Variants in CCDC178 observed in about 807,000 individuals in gnomAD.
CCDC178 encodes the protein coiled-coil domain containing 178.
A neutral mutation model predicts 117.4 loss-of-function variants in CCDC178; 126 were observed. That is an observed-to-expected ratio of 1.07 (90% confidence interval 0.93 to 1.24). The LOEUF is 1.24. Ranked by LOEUF, CCDC178 falls within the 50% of genes most tolerant of loss-of-function variation. CCDC178 has a pLI of 0.00. For missense variants in CCDC178, 1,030 were observed against 986.9 expected (o/e 1.04, Z -0.59); for synonymous variants, 283 against 313.4 (o/e 0.90, Z 1.02).
At chr18:33,118,070 T>C (rs1308347979) in intron 20 of CCDC178, among the ~76,000 whole-genome samples, 1 of 152,094 alleles carries the variant, frequency 6.6e-6, no homozygotes, top group Non-Finnish European at 1.5e-5. Flanking sequence ...ACAGCATTTT[T>C]TTCTGACTAG....
chr18:33,314,190 G>A (rs1271631872), intron 11 of CCDC178, among the ~76,000 whole-genome samples: 2 of 107,412 alleles, frequency 1.9e-5, no homozygotes, highest in Non-Finnish European at 3.5e-5. Flanking sequence ...GACAGAGCGA[G>A]ACTCCGTCTC....
intron 14 of CCDC178, among the ~76,000 whole-genome samples, chr18:33,253,817 C>T (rs567676294): frequency 3.3e-5 from 5 of 151,750 alleles, no homozygotes; most frequent in African/African-American, 9.7e-5. Context: ...CCTGATTGCT[C>T]CTTATGTAAT....
chr18:33,397,690 T>C (rs570458443), intron 3 of CCDC178, among the ~76,000 whole-genome samples: 63 of 152,290 alleles, frequency 4.1e-4, no homozygotes, highest in African/African-American at 1.4e-3. Context: ...ACTGCATCTC[T>C]AGAAAATCCT....
At chr18:33,136,401 G>A (rs962702450) in intron 20 of CCDC178, among the ~76,000 whole-genome samples, 3 of 152,130 alleles carry the variant, frequency 2.0e-5, no homozygotes, top group Non-Finnish European at 4.4e-5. Flanking sequence ...CTATGAGGTA[G>A]CAGAAGCACT....
At chr18:33,168,454 T>C (rs1362144556) in intron 20 of CCDC178, among the ~76,000 whole-genome samples, 4 of 152,300 alleles carry the variant, frequency 2.6e-5, no homozygotes, top group East Asian at 3.9e-4. Flanking sequence ...TGTCTGTCTT[T>C]GTAGCAGTAG....
At chr18:33,330,371 C>T (rs1422593319) in intron 10 of CCDC178, among the ~76,000 whole-genome samples, 1 of 152,046 alleles carries the variant, frequency 6.6e-6, no homozygotes, top group Non-Finnish European at 1.5e-5. Flanking sequence ...GCATTGTACA[C>T]CCACAGTGGA....
chr18:32,980,302 G>A (rs1317599519), intron 21 of CCDC178, among the ~76,000 whole-genome samples: 2 of 151,964 alleles, frequency 1.3e-5, no homozygotes, highest in Admixed American at 6.6e-5. Flanking sequence ...TAAAAAGCCC[G>A]GCCGGGCGCG....
intron 21 of CCDC178, among the ~76,000 whole-genome samples, chr18:33,081,596 T>C (rs1462018640): frequency 6.6e-6 from 1 of 152,218 alleles, no homozygotes; most frequent in African/African-American, 2.4e-5. Context: ...ATATACATCA[T>C]GCAGACAGTA....
chr18:33,310,859 T>C (rs901969109), intron 11 of CCDC178, among the ~76,000 whole-genome samples: 9 of 152,182 alleles, frequency 5.9e-5, no homozygotes, highest in Non-Finnish European at 1.2e-4. Context: ...GGCAACACTT[T>C]CCCTGCCTAC....
intron 20 of CCDC178, among the ~76,000 whole-genome samples, chr18:33,128,237 G>A (rs762907264): frequency 3.9e-5 from 6 of 152,154 alleles, no homozygotes; most frequent in Non-Finnish European, 8.8e-5. Flanking sequence ...CATCTGCACT[G>A]AGTAAAAGTA....
intron 11 of CCDC178, among the ~76,000 whole-genome samples, chr18:33,299,196 T>C (rs193293409): frequency 5.1e-4 from 77 of 152,196 alleles, no homozygotes; most frequent in Non-Finnish European, 9.7e-4. Context: ...GGTACCACAC[T>C]ACCTGACTAC....
At chr18:33,018,242 C>T (rs1760680698) in intron 21 of CCDC178, among the ~76,000 whole-genome samples, 1 of 152,032 alleles carries the variant, frequency 6.6e-6, no homozygotes, top group Admixed American at 6.6e-5. Flanking sequence ...ACTTCATACT[C>T]ACTGGAATGG....
intron 20 of CCDC178, among the ~76,000 whole-genome samples, chr18:33,139,514 G>T (rs1431363006): frequency 6.6e-6 from 1 of 152,160 alleles, no homozygotes; most frequent in Non-Finnish European, 1.5e-5. Flanking sequence ...TGAGGAACTT[G>T]TTGGGAACTG....
Position 32,974,561 on chromosome 18 carries a change from T to A in CCDC178, c.2509A>T (p.Ile837Leu). 2 of 1,613,582 alleles carry A rather than the reference T, an allele frequency of 1.2e-6. No individual in the cohort carries two copies. The highest frequency in any genetic ancestry group is 1.7e-6 in the Non-Finnish European group (2 of 1,179,760). The change falls in exon 22 of 23, where the codon ATA (isoleucine) becomes TTA (leucine). Residue 837 changes from isoleucine (I) to leucine (L), a missense_variant. Ile to Leu is a conservative substitution (Grantham distance 5). Coordinates refer to ENST00000383096, the MANE Select transcript of CCDC178 (RefSeq NM_001105528.4). ...QTDSQESIQK[I>L]LAVQEESSNL... ...CAATCACCTACCTGCACAGCTAATA[T>A]TTTCTGAATACTCTCCTGAGAGTCT...
At chr18:33,033,024 C>G (rs1375089339) in intron 21 of CCDC178, among the ~76,000 whole-genome samples, 1 of 152,038 alleles carries the variant, frequency 6.6e-6, no homozygotes, top group Admixed American at 6.6e-5. Context: ...TGTTTGCTCC[C>G]TGTTACTCTT....
chr18:33,277,806 T>TC (rs1180184918), intron 12 of CCDC178, among the ~76,000 whole-genome samples: 1 of 152,162 alleles, frequency 6.6e-6, no homozygotes, highest in Non-Finnish European at 1.5e-5. Flanking sequence ...TTTCAAAGAC[T>TC]CATGTAATTA....
chr18:33,021,208 C>G (rs1198183309), intron 21 of CCDC178, among the ~76,000 whole-genome samples: 3 of 152,224 alleles, frequency 2.0e-5, no homozygotes, highest in Non-Finnish European at 4.4e-5. Context: ...TGGCAGATCA[C>G]TAACTGAAAA....
intron 21 of CCDC178, among the ~76,000 whole-genome samples, chr18:33,076,991 C>T (rs1161434886): frequency 6.6e-6 from 1 of 152,184 alleles, no homozygotes; most frequent in Non-Finnish European, 1.5e-5. Flanking sequence ...TCTGCCTGAA[C>T]TTTCACCATG....
intron 20 of CCDC178, among the ~76,000 whole-genome samples, chr18:33,120,004 G>T (rs2057914902): frequency 6.6e-6 from 1 of 151,854 alleles, no homozygotes; most frequent in African/African-American, 2.4e-5. Flanking sequence ...ATGGACACAG[G>T]AAGGGGAACA....
Sources: gnomAD v4.1 joint callset for allele counts (sites outside exome capture counted in the v4.1 genomes callset) on GRCh38, gnomAD v4.1.1 for gene constraint, MANE v1.5 for transcripts, NCBI Gene and HGNC (gene_info 2026-07-23, HGNC 2026-07-21) for gene names.